Variants in MSI2 observed in about 807,000 individuals in gnomAD.
The protein encoded by MSI2 is RNA-binding protein Musashi homolog 2.
In MSI2, 17 loss-of-function variants were observed where a neutral mutation model predicts 45.6. The observed-to-expected ratio is 0.37, with a 90% CI of 0.26 to 0.56. The LOEUF is 0.56. Among genes scored for constraint, MSI2 ranks in the 20% least tolerant of loss-of-function variants. MSI2 has a pLI of 0.77. For synonymous variants in MSI2, 156 were observed against 158.2 expected (o/e 0.99, Z 0.11); for missense variants, 293 against 444.2 (o/e 0.66, Z 3.06).
At chr17:57,699,513 C>T in the MSI2 span, among the ~76,000 whole-genome samples, 2 of 151,312 alleles carry the variant, frequency 1.3e-5, no homozygotes, top group South Asian at 2.1e-4. Flanking sequence ...GATACTTCCA[C>T]GTGCTAAGCC....
intron 5 of MSI2, among the ~76,000 whole-genome samples, chr17:57,356,865 GAAA>G (rs921450901): frequency 6.7e-6 from 1 of 149,968 alleles, no homozygotes; most frequent in East Asian, 1.9e-4. Flanking sequence ...GCTAATTTAA[GAAA>G]AAAAAAATTA....
intron 6 of MSI2, among the ~76,000 whole-genome samples, chr17:57,426,040 T>C (rs543261323): frequency 4.7e-4 from 72 of 152,354 alleles, no homozygotes; most frequent in African/African-American, 1.7e-3. Context: ...ATTGCCTCTC[T>C]GTTCTCTGAT....
chr17:57,389,285 C>A (rs12952308), intron 5 of MSI2, among the ~76,000 whole-genome samples: 11,885 of 152,218 alleles, frequency 0.078, 577 homozygotes, highest in Non-Finnish European at 0.11. Flanking sequence ...GCCCCCTGCT[C>A]TTCTTTTTAA....
At chr17:57,257,185 CT>C in intron 2 of MSI2, 47 bp downstream of exon 2, 1 of 1,088,544 alleles carries the variant, frequency 9.2e-7, no homozygotes, top group Non-Finnish European at 1.3e-6. Flanking sequence ...TTCTTGGCTT[CT>C]TTATTGCTCT....
chr17:57,632,098 C>T (rs1909430673), intron 10 of MSI2: 11 of 1,266,422 alleles, frequency 8.7e-6, no homozygotes, highest in Middle Eastern at 3.0e-4. Flanking sequence ...CAGAATGTAA[C>T]GGGGCCAGAG....
chr17:57,523,336 C>T (rs948589120), intron 6 of MSI2, among the ~76,000 whole-genome samples: 4 of 152,214 alleles, frequency 2.6e-5, no homozygotes, highest in Non-Finnish European at 5.9e-5. Context: ...GCGTGAGCCA[C>T]CACGCCCGGC....
At chr17:57,665,272 A>G (rs1912286582) in intron 11 of MSI2, among the ~76,000 whole-genome samples, 1 of 152,200 alleles carries the variant, frequency 6.6e-6, no homozygotes, top group Non-Finnish European at 1.5e-5. Flanking sequence ...AAGGGCATGT[A>G]CCAGTAGAAC....
At chr17:57,675,609 C>T (rs1262332506) in intron 12 of MSI2, among the ~76,000 whole-genome samples, 2 of 152,170 alleles carry the variant, frequency 1.3e-5, no homozygotes. Flanking sequence ...CAGCTCCCCA[C>T]CAGAGTAGCA....
At chr17:57,583,814 T>G (rs1175892400) in intron 7 of MSI2, among the ~76,000 whole-genome samples, 1 of 152,104 alleles carries the variant, frequency 6.6e-6, no homozygotes, top group African/African-American at 2.4e-5. Context: ...CTTGGGAGAT[T>G]TTAAAACATA....
At chr17:57,261,537 G>T (rs1907309372) in intron 4 of MSI2, among the ~76,000 whole-genome samples, 1 of 152,084 alleles carries the variant, frequency 6.6e-6, no homozygotes, top group Non-Finnish European at 1.5e-5. Flanking sequence ...CAGAACAGAT[G>T]ATCTTTTTGG....
At chr17:57,368,039 C>T (rs1917327543) in intron 5 of MSI2, among the ~76,000 whole-genome samples, 1 of 152,204 alleles carries the variant, frequency 6.6e-6, no homozygotes, top group Non-Finnish European at 1.5e-5. Context: ...TGAACTAGAA[C>T]AGTGGTACCC....
chr17:57,460,950 C>T (rs2085214927), intron 6 of MSI2, among the ~76,000 whole-genome samples: 1 of 152,178 alleles, frequency 6.6e-6, no homozygotes, highest in Non-Finnish European at 1.5e-5. Context: ...TGCTCACTCA[C>T]CATGCTCAAT....
chr17:57,666,260 C>T (rs992727020), intron 11 of MSI2, among the ~76,000 whole-genome samples: 1 of 152,244 alleles, frequency 6.6e-6, no homozygotes, highest in Non-Finnish European at 1.5e-5. Context: ...GTCTGAGACA[C>T]TGTGTGGCAT....
the MSI2 span, among the ~76,000 whole-genome samples, chr17:57,697,723 C>A: frequency 6.6e-6 from 1 of 152,120 alleles, no homozygotes; most frequent in East Asian, 1.9e-4. Context: ...AGAATGAGAG[C>A]TAAGCAAAAG....
At chr17:57,356,176 G>A (rs982268824) in intron 5 of MSI2, among the ~76,000 whole-genome samples, 6 of 152,166 alleles carry the variant, frequency 3.9e-5, no homozygotes, top group Non-Finnish European at 7.4e-5. Context: ...TGCCTGGCCA[G>A]TCTTTTTTAA....
chr17:57,482,934 A>T (rs2085677415), intron 6 of MSI2, among the ~76,000 whole-genome samples: 1 of 152,228 alleles, frequency 6.6e-6, no homozygotes, highest in Non-Finnish European at 1.5e-5. Context: ...TAAAAAGGAA[A>T]CATTTTCTGA....
intron 6 of MSI2, among the ~76,000 whole-genome samples, chr17:57,503,066 A>G (rs1319558341): frequency 6.6e-6 from 1 of 151,982 alleles, no homozygotes; most frequent in Non-Finnish European, 1.5e-5. Context: ...ATTCATGCAC[A>G]TTCACCAGGC....
intron 6 of MSI2, among the ~76,000 whole-genome samples, chr17:57,437,035 G>A (rs957070543): frequency 6.6e-6 from 1 of 152,190 alleles, no homozygotes; most frequent in African/African-American, 2.4e-5. Flanking sequence ...GTTGAGCCGA[G>A]ACTTGGATGG....
rs369317737 is a variant in MSI2, at chr17:57,321,090, T to TG, written c.312+58905dup. On this transcript the variant is annotated intron_variant, in intron 5 of 13. Coordinates refer to ENST00000284073, the MANE Select transcript of MSI2 (RefSeq NM_138962.4). ...TCTTACTCTGGGCTATAATTGGCGG[T>TG]GGGGGGGATGGATTTGGGGGCCTGG... Among the ~76,000 whole-genome samples the TG allele has an allele frequency of 1.6e-3, 234 of 148,948 alleles. 3 individuals carry two copies. Among genetic ancestry groups the TG allele is most frequent in the African/African-American group, 5.6e-3 (228 of 40,628 alleles).
Sources: allele counts gnomAD v4.1 joint callset (sites outside exome capture counted in the v4.1 genomes callset), GRCh38; gene constraint gnomAD v4.1.1; transcripts MANE v1.5; gene names NCBI Gene and HGNC (gene_info 2026-07-23, HGNC 2026-07-21).